The following ANO3 variants were observed in gnomAD, a reference collection of about 807,000 sequenced individuals.
The protein encoded by ANO3 is anoctamin-3.
ANO3 carries 99 observed loss-of-function variants against 144.8 expected under a neutral mutation model. That is an observed-to-expected ratio of 0.68 (90% confidence interval 0.58 to 0.81). ANO3 has a LOEUF of 0.81. Among genes scored for constraint, ANO3 ranks in the 30% least tolerant of loss-of-function variants. The pLI is 0.00. For synonymous variants in ANO3, 414 were observed against 392.6 expected (o/e 1.05, Z -0.64); for missense variants, 905 against 1,202.2 (o/e 0.75, Z 3.66).
At chr11:26,341,267 G>A (rs1159050886) in intron 1 of ANO3, among the ~76,000 whole-genome samples, 1 of 151,970 alleles carries the variant, frequency 6.6e-6, no homozygotes, top group Non-Finnish European at 1.5e-5. Flanking sequence ...TTTATATATA[G>A]CGAAAATGTG....
chr11:26,480,165 C>G (rs1298209838), intron 4 of ANO3, among the ~76,000 whole-genome samples: 1 of 152,172 alleles, frequency 6.6e-6, no homozygotes, highest in South Asian at 2.1e-4. Context: ...TCTAATGCCT[C>G]ATACCCACAA....
chr11:26,471,335 C>G (rs1859774667), intron 4 of ANO3, among the ~76,000 whole-genome samples: 1 of 151,920 alleles, frequency 6.6e-6, no homozygotes, highest in Non-Finnish European at 1.5e-5. Flanking sequence ...GGCTAATTTA[C>G]AACCTCCTGT....
Position 26,502,223 on chromosome 11 carries a change from T to C in ANO3, c.433-5881T>C, listed in dbSNP as rs535904857. On this transcript the variant is annotated intron_variant, in intron 4 of 26. Transcript: ENST00000256737. The stretch of plus-strand genomic sequence containing the variant: ...AATGTAAATGAATACATTATATAGT[T>C]TTACCTGATTTTTTTTAGTTAAAAT... Among the ~76,000 whole-genome samples, 3 of 152,318 alleles carry C rather than the reference T, an allele frequency of 2.0e-5. No homozygotes were observed. The South Asian group carries it at 6.2e-4, about 32-fold the overall frequency.
chr11:26,314,449 C>T (rs941551189), intron 1 of ANO3, among the ~76,000 whole-genome samples: 3 of 152,140 alleles, frequency 2.0e-5, no homozygotes, highest in Admixed American at 1.3e-4. Flanking sequence ...TTATTCTACT[C>T]ATTACTGCTT....
intron 17 of ANO3, among the ~76,000 whole-genome samples, chr11:26,610,289 A>G (rs1852058690): frequency 1.4e-5 from 2 of 143,934 alleles, no homozygotes; most frequent in South Asian, 4.4e-4. Flanking sequence ...CATTTCTCTG[A>G]TGACTAGGGA....
chr11:26,543,640 G>A (rs1487392957), intron 11 of ANO3, among the ~76,000 whole-genome samples: 1 of 152,062 alleles, frequency 6.6e-6, no homozygotes, highest in African/African-American at 2.4e-5. Flanking sequence ...CCCAGTGTGT[G>A]ATGTTCACCA....
intron 1 of ANO3, among the ~76,000 whole-genome samples, chr11:26,222,079 C>T (rs1852157255): frequency 1.3e-5 from 2 of 152,162 alleles, no homozygotes; most frequent in Admixed American, 1.3e-4. Flanking sequence ...AGTCTAAAGT[C>T]CTAAGTCTCA....
At chr11:26,390,506 G>T (rs939519705) in intron 1 of ANO3, among the ~76,000 whole-genome samples, 2 of 152,010 alleles carry the variant, frequency 1.3e-5, no homozygotes, top group Admixed American at 1.3e-4. Flanking sequence ...GGTAAGATAA[G>T]GAAGTTGGCA....
chr11:26,314,208 A>G (rs1294823502), intron 1 of ANO3, among the ~76,000 whole-genome samples: 5 of 152,124 alleles, frequency 3.3e-5, no homozygotes, highest in African/African-American at 1.2e-4. Context: ...GGGGTTATAG[A>G]GCTATTACTG....
At chr11:26,244,569 A>C (rs1475916269) in intron 1 of ANO3, among the ~76,000 whole-genome samples, 1 of 152,208 alleles carries the variant, frequency 6.6e-6, no homozygotes, top group Non-Finnish European at 1.5e-5. Flanking sequence ...CTATGCCAGA[A>C]GCTATTCTGT....
chr11:26,289,684 C>T (rs1421803443), intron 1 of ANO3, among the ~76,000 whole-genome samples: 1 of 86,706 alleles, frequency 1.2e-5, no homozygotes, highest in Non-Finnish European at 2.3e-5. Flanking sequence ...CATATACACA[C>T]ATATATTCTA....
At chr11:26,387,133 T>C (rs1313575259) in intron 1 of ANO3, among the ~76,000 whole-genome samples, 1 of 79,430 alleles carries the variant, frequency 1.3e-5, no homozygotes, top group Non-Finnish European at 2.4e-5. Flanking sequence ...ATGTAGTATT[T>C]TTTTTTTTTT....
At chr11:26,562,962 C>T in intron 14 of ANO3, 2 of 1,110,490 alleles carry the variant, frequency 1.8e-6, no homozygotes, top group Non-Finnish European at 2.4e-6. Context: ...TGGTTTTGTT[C>T]TTTGATAAAC....
intron 4 of ANO3, among the ~76,000 whole-genome samples, chr11:26,463,436 T>C (rs752621264): frequency 6.6e-6 from 1 of 151,908 alleles, no homozygotes; most frequent in Non-Finnish European, 1.5e-5. Context: ...TTTCTTAGCA[T>C]GACTTAATGA....
intron 5 of ANO3, chr11:26,508,670 G>C (rs913666806): frequency 1.8e-5 from 3 of 167,782 alleles, no homozygotes; most frequent in African/African-American, 7.1e-5. Flanking sequence ...TTAAAAAAAT[G>C]TTCTTGGAAG....
intron 1 of ANO3, among the ~76,000 whole-genome samples, chr11:26,246,456 T>TTATATATATATATA (rs150219099): frequency 8.6e-5 from 12 of 140,036 alleles, no homozygotes; most frequent in East Asian, 2.1e-4. Flanking sequence ...AGTGTAGTCT[T>TTATATATATATATA]TATATATATA....
intron 4 of ANO3, among the ~76,000 whole-genome samples, chr11:26,503,210 T>C (rs980338989): frequency 6.6e-6 from 1 of 152,038 alleles, no homozygotes; most frequent in Non-Finnish European, 1.5e-5. Flanking sequence ...CTAGAAACAA[T>C]AAACATGAAA....
chr11:26,446,517 T>G (rs1269078761), intron 3 of ANO3, among the ~76,000 whole-genome samples: 1 of 152,200 alleles, frequency 6.6e-6, no homozygotes, highest in Middle Eastern at 3.2e-3. Flanking sequence ...AGGAGAACCA[T>G]GAAGGAAAAA....
intron 1 of ANO3, among the ~76,000 whole-genome samples, chr11:26,368,018 T>G (rs1476502751): frequency 6.6e-6 from 1 of 152,200 alleles, no homozygotes; most frequent in Non-Finnish European, 1.5e-5. Flanking sequence ...GTACTGGGGA[T>G]TACAATTCAA....
Sources: allele counts gnomAD v4.1 joint callset (sites outside exome capture counted in the v4.1 genomes callset), GRCh38; gene constraint gnomAD v4.1.1; transcripts MANE v1.5; gene names NCBI Gene and HGNC (gene_info 2026-07-23, HGNC 2026-07-21).